CNTNAP3: variants seen among roughly 807,000 people sequenced by gnomAD.
CNTNAP3 encodes the protein contactin-associated protein-like 3.
CNTNAP3 carries 36 observed loss-of-function variants against 92.1 expected under a neutral mutation model. The observed-to-expected ratio is 0.39, with a 90% CI of 0.30 to 0.52. CNTNAP3 has a LOEUF of 0.52. Ranked by LOEUF, CNTNAP3 falls within the 20% of genes least tolerant of loss-of-function variation. The pLI, the probability that CNTNAP3 is intolerant of heterozygous loss-of-function variation, is 0.76. For synonymous variants in CNTNAP3, 232 were observed against 422.3 expected, an observed-to-expected ratio of 0.55 and a Z score of 5.53; for missense variants, 534 against 1,069.6, an observed-to-expected ratio of 0.50 and a Z score of 6.98.
rs1417338081 is a variant in CNTNAP3 at position 39,072,656 on chromosome 9, T to G, written c.*1234A>C. On this transcript the variant is annotated 3_prime_UTR_variant, in exon 24 of 24. Transcript: ENST00000297668. ...AACATCATGTAAATGCTAACTTAAC[T>G]TGGAGTGAACAGTCTTCAGTTTACA... 6.6e-6 allele frequency: 1 copy of G among 152,048 alleles called. No individual in the cohort carries two copies. Among genetic ancestry groups the G allele is most frequent in the Non-Finnish European group, 1.5e-5 (1 of 67,986 alleles). The allele number at this position is 152,048 out of a possible 1,614,324, so 9.4% of individuals were successfully genotyped here.
chr9:39,122,125 C>T (rs565053816), intron 13 of CNTNAP3, among the ~76,000 whole-genome samples: 2 of 152,246 alleles, frequency 1.3e-5, no homozygotes, highest in South Asian at 4.1e-4. Context: ...GAGGCCGAGG[C>T]GGGCAGATCA....
At chr9:39,124,580 T>C (rs184228528) in intron 13 of CNTNAP3, among the ~76,000 whole-genome samples, 3 of 152,248 alleles carry the variant, frequency 2.0e-5, no homozygotes, top group African/African-American at 2.4e-5. Flanking sequence ...AGGCAACCTA[T>C]AGAATGGGAG....
At chr9:39,140,659 T>C (rs113314005) in intron 11 of CNTNAP3, 21 bp from the exon 12 acceptor site, 1 of 1,568,244 alleles carries the variant, frequency 6.4e-7, no homozygotes, top group African/African-American at 1.4e-5. Flanking sequence ...ACACCAGCCA[T>C]AAGAACCAGA....
chr9:39,116,220 A>G (rs1376660023), intron 14 of CNTNAP3, among the ~76,000 whole-genome samples: 2 of 152,136 alleles, frequency 1.3e-5, no homozygotes, highest in Non-Finnish European at 2.9e-5. Context: ...CATATATGCC[A>G]TTCTGGCTTT....
chr9:39,179,252 A>G (rs1822398918), intron 4 of CNTNAP3, among the ~76,000 whole-genome samples: 1 of 104,370 alleles, frequency 9.6e-6, no homozygotes, highest in African/African-American at 4.1e-5. Context: ...CCTTACAATC[A>G]GGTAAGCCAA....
At chr9:39,121,887 C>T (rs1373558714) in intron 13 of CNTNAP3, among the ~76,000 whole-genome samples, 3 of 152,116 alleles carry the variant, frequency 2.0e-5, no homozygotes, top group Non-Finnish European at 4.4e-5. Flanking sequence ...TCTAATCCCC[C>T]AAAAAGCTAG....
intron 13 of CNTNAP3, among the ~76,000 whole-genome samples, chr9:39,128,810 A>G (rs1397610475): frequency 6.6e-6 from 1 of 151,460 alleles, no homozygotes; most frequent in African/African-American, 2.4e-5. Flanking sequence ...TTAAGTTCAA[A>G]AAAGAGCTTA....
chr9:39,075,247 G>C (rs1412126393), intron 23 of CNTNAP3, among the ~76,000 whole-genome samples: 1 of 150,968 alleles, frequency 6.6e-6, no homozygotes, highest in Non-Finnish European at 1.5e-5. Context: ...CTCGACTCTA[G>C]CTGCACACTA....
chr9:39,089,818 T>A (rs930654983), intron 18 of CNTNAP3, among the ~76,000 whole-genome samples: 1 of 152,234 alleles, frequency 6.6e-6, no homozygotes, highest in African/African-American at 2.4e-5. Flanking sequence ...TGTTGCCAAC[T>A]ATTTTTTCAT....
intron 11 of CNTNAP3, among the ~76,000 whole-genome samples, chr9:39,143,346 A>G (rs1692967): frequency 1.3e-5 from 2 of 152,258 alleles, no homozygotes; most frequent in Admixed American, 6.5e-5. Flanking sequence ...TGATTTAGTA[A>G]GTTTGGGTAA....
At chr9:39,144,955 T>C (rs1821664423) in intron 10 of CNTNAP3, among the ~76,000 whole-genome samples, 1 of 150,616 alleles carries the variant, frequency 6.6e-6, no homozygotes, top group Non-Finnish European at 1.5e-5. Flanking sequence ...AAAATCCCAA[T>C]GCCTTTTTTT....
At position 39,080,723 on chromosome 9, in the gene CNTNAP3, G is replaced by A. The variant is rs1438491098; in HGVS notation, c.3443-1803C>T. Among the ~76,000 whole-genome samples the A allele has an allele frequency of 2.3e-5, 3 of 128,616 alleles. No homozygotes were observed. The South Asian group carries it at 7.8e-4, about 33-fold the overall frequency. 84.4% of individuals were successfully genotyped at this position (128,616 alleles called of 152,430 possible). A position where few individuals can be genotyped will look rare whatever the true frequency, so the allele number is the denominator to read the frequency against. On this transcript the variant is annotated intron_variant, in intron 21 of 23. Coordinates refer to ENST00000297668, the MANE Select transcript of CNTNAP3 (RefSeq NM_033655.5). ...TGTCCCCAGGCTGGAGTGCAGTGGC[G>A]CGATCTCGGCTCACTGCAACCTCCG...
Position 39,089,425 on chromosome 9 carries a change from T to C in CNTNAP3, c.2996-778A>G, listed in dbSNP as rs555890499. On this transcript the variant is annotated intron_variant, in intron 18 of 23. Coordinates refer to ENST00000297668, the MANE Select transcript of CNTNAP3 (RefSeq NM_033655.5). Reference sequence around the variant, plus strand: ...TGACTAATATTTCATTGGATGTAAATAGTAATGGATGTGCCACATTTTGCG... The same window carrying C: ...TGACTAATATTTCATTGGATGTAAACAGTAATGGATGTGCCACATTTTGCG... 6.6e-5 allele frequency among the ~76,000 whole-genome samples: 10 copies of C among 152,342 alleles called. No individual in the cohort carries two copies. In the East Asian group the frequency reaches 1.5e-3, roughly 23 times the overall value.
In CNTNAP3 at chr9:39,285,519, G is replaced by A. The variant is rs1419350281; in HGVS notation, c.85+2461C>T. ...CCCCAAAATGCCAAATGTTTAGAAA[G>A]CTTTTTTTTTTTGAGACAGAGTTTT... On this transcript the variant is annotated intron_variant, in intron 1 of 23. Transcript: ENST00000297668. Among the ~76,000 whole-genome samples, 6 of 56,422 alleles carry A rather than the reference G, an allele frequency of 1.1e-4. 2 individuals are homozygous for A. The highest frequency in any genetic ancestry group is 2.4e-4 in the African/African-American group (6 of 25,072). 37.0% of individuals were successfully genotyped at this position (56,422 alleles called of 152,430 possible). A position where few individuals can be genotyped will look rare whatever the true frequency, so the allele number is the denominator to read the frequency against.
rs1293848880 is a variant in CNTNAP3, at chr9:39,068,011, G to T, written c.*5879C>A. On this transcript the variant is annotated 3_prime_UTR_variant, in exon 24 of 24. Coordinates refer to ENST00000297668, the MANE Select transcript of CNTNAP3 (RefSeq NM_033655.5). ...AAACGACAGAAATTAGTTTTTTTGG[G>T]GGGGATGGGAGAAGTGAAGAGAAGA... Among the ~76,000 whole-genome samples the T allele has an allele frequency of 6.6e-6, 1 of 152,312 alleles. No individual in the cohort carries two copies. Among genetic ancestry groups the T allele is most frequent in the Non-Finnish European group, 1.5e-5 (1 of 68,058 alleles).
chr9:39,145,573 A>AG (rs1485992724), intron 10 of CNTNAP3, among the ~76,000 whole-genome samples: 2 of 137,142 alleles, frequency 1.5e-5, no homozygotes, highest in East Asian at 4.4e-4. Flanking sequence ...AGGTCCTTTG[A>AG]GGGGAACCTG....
At position 39,127,410 on chromosome 9, in the gene CNTNAP3, A is replaced by G. The variant is rs1374817126; in HGVS notation, c.2080+5522T>C. Among the ~76,000 whole-genome samples the G allele has an allele frequency of 2.0e-5, 3 of 152,156 alleles. No homozygotes were observed. The East Asian group carries it at 5.8e-4, about 29-fold the overall frequency. The stretch of plus-strand genomic sequence containing the variant: ...AAATTAACTCATACAAGCTGAAGGA[A>G]GGAGATAACAAAGAGAAGAGCAGAT... On this transcript the variant is annotated intron_variant, in intron 13 of 23. Coordinates refer to ENST00000297668, the MANE Select transcript of CNTNAP3 (RefSeq NM_033655.5).
chr9:39,094,293 A>G (rs1025072488), intron 18 of CNTNAP3, among the ~76,000 whole-genome samples: 4 of 151,554 alleles, frequency 2.6e-5, no homozygotes, highest in Admixed American at 6.6e-5. Context: ...CAAATATTTT[A>G]TCACATTCTG....
intron 13 of CNTNAP3, among the ~76,000 whole-genome samples, chr9:39,130,591 A>G (rs1209084469): frequency 1.5e-5 from 2 of 136,898 alleles, no homozygotes; most frequent in Non-Finnish European, 3.0e-5. Flanking sequence ...TGCAAGCTCC[A>G]CCTCCTGGGT....
Sources: gnomAD v4.1 joint callset for allele counts (sites outside exome capture counted in the v4.1 genomes callset) on GRCh38, gnomAD v4.1.1 for gene constraint, MANE v1.5 for transcripts, NCBI Gene and HGNC (gene_info 2026-07-23, HGNC 2026-07-21) for gene names.